OR1J2: variants seen among roughly 807,000 people sequenced by gnomAD.
The protein encoded by OR1J2 is olfactory receptor family 1 subfamily J member 2, also known as olfactory receptor 1J2.
For synonymous variants in OR1J2, 142 were observed against 99.7 expected (o/e 1.42, Z -2.52); for missense variants, 304 against 246.1 (o/e 1.24, Z -1.57).
At chr9:122,534,774 C>T in the OR1J2 span, among the ~76,000 whole-genome samples, 14 of 151,940 alleles carry the variant, frequency 9.2e-5, no homozygotes, top group African/African-American at 2.9e-4. Context: ...AGATTTCGGA[C>T]GATTTGCATT....
Position 122,510,888 on chromosome 9 carries a change from C to T in OR1J2, c.87C>T (p.Thr29=), listed in dbSNP as rs1187803390. The T allele has an allele frequency of 9.9e-6, 16 of 1,611,536 alleles. No homozygotes were observed. The highest frequency in any genetic ancestry group is 1.4e-5 in the Non-Finnish European group (16 of 1,177,758). ...IRPEQQAVFF[T]LFLGMYLTTV... ...CAGAGCAGCAGGCTGTGTTCTTCAC[C>T]CTGTTCCTGGGCATGTACCTGACCA... is the stretch of plus-strand genomic sequence containing the variant. Residue 29 remains threonine, a synonymous_variant, in exon 1 of 1, where the codon ACC becomes ACT. Transcript: ENST00000335302.
chr9:122,448,903 A>T, the OR1J2 span: 5 of 142,526 alleles, frequency 3.5e-5, no homozygotes, highest in African/African-American at 1.3e-4. Context: ...TAACAGTCTG[A>T]CCTCTCTTTC....
At chr9:122,470,039 C>T in the OR1J2 span, among the ~76,000 whole-genome samples, 1 of 152,170 alleles carries the variant, frequency 6.6e-6, no homozygotes, top group Admixed American at 6.5e-5. Context: ...GATAGAAAAT[C>T]TTATTTTCTG....
the OR1J2 span, among the ~76,000 whole-genome samples, chr9:122,493,663 T>C: frequency 6.6e-6 from 1 of 152,044 alleles, no homozygotes; most frequent in Non-Finnish European, 1.5e-5. Flanking sequence ...CATTTTGTTT[T>C]ATCTTTTGTA....
chr9:122,460,532 A>G, the OR1J2 span, among the ~76,000 whole-genome samples: 2 of 152,152 alleles, frequency 1.3e-5, no homozygotes, highest in Non-Finnish European at 2.9e-5. Context: ...TATAGTTTGA[A>G]GTCAGGTAAT....
At chr9:122,536,700 T>C in the OR1J2 span, among the ~76,000 whole-genome samples, 1 of 152,220 alleles carries the variant, frequency 6.6e-6, no homozygotes, top group Non-Finnish European at 1.5e-5. Flanking sequence ...GGAATGTCTT[T>C]CTCAAGGACC....
the OR1J2 span, among the ~76,000 whole-genome samples, chr9:122,453,616 G>C: frequency 6.6e-6 from 1 of 152,174 alleles, no homozygotes; most frequent in African/African-American, 2.4e-5. Flanking sequence ...TATCCCAAAG[G>C]CTTCCCATAA....
At chr9:122,483,973 A>G in the OR1J2 span, among the ~76,000 whole-genome samples, 2 of 152,148 alleles carry the variant, frequency 1.3e-5, no homozygotes, top group African/African-American at 2.4e-5. Context: ...ATTTATAATA[A>G]GAGTTATTAG....
At chr9:122,502,018 C>T in the OR1J2 span, among the ~76,000 whole-genome samples, 3 of 152,168 alleles carry the variant, frequency 2.0e-5, no homozygotes, top group Non-Finnish European at 2.9e-5. Context: ...CTGTTTGTAA[C>T]CGAGGACTGA....
chr9:122,526,461 A>G, the OR1J2 span: 11 of 1,554,840 alleles, frequency 7.1e-6, no homozygotes, highest in Non-Finnish European at 6.1e-6. Context: ...GGGAGTCACT[A>G]TGGTGTACAT....
the OR1J2 span, among the ~76,000 whole-genome samples, chr9:122,500,749 T>C: frequency 6.6e-6 from 1 of 152,174 alleles, no homozygotes; most frequent in South Asian, 2.1e-4. Flanking sequence ...GGTGCCACCA[T>C]CTGTAACAAA....
chr9:122,572,304 C>T, the OR1J2 span, among the ~76,000 whole-genome samples: 5 of 152,180 alleles, frequency 3.3e-5, no homozygotes, highest in Admixed American at 2.0e-4. Context: ...GATACCATGT[C>T]TGAAAAGCAG....
At chr9:122,513,138 G>A (rs1828660132), downstream of OR1J2, among the ~76,000 whole-genome samples, 1 of 152,108 alleles carries the variant, frequency 6.6e-6, no homozygotes, top group South Asian at 2.1e-4. Context: ...TAGCATTTTT[G>A]TGGATCCAAT....
At chr9:122,547,908 A>G in the OR1J2 span, among the ~76,000 whole-genome samples, 1 of 152,120 alleles carries the variant, frequency 6.6e-6, no homozygotes, top group South Asian at 2.1e-4. Context: ...ATTCCTACCA[A>G]CATTGCGTTA....
At chr9:122,460,196 C>T in the OR1J2 span, among the ~76,000 whole-genome samples, 126,501 of 149,678 alleles carry the variant, frequency 0.85, 53,346 homozygotes, top group African/African-American at 0.86. Flanking sequence ...TATATATACA[C>T]ACACACACAC....
chr9:122,473,385 C>G, the OR1J2 span, among the ~76,000 whole-genome samples: 1 of 152,158 alleles, frequency 6.6e-6, no homozygotes, highest in Admixed American at 6.5e-5. Context: ...TGGATCATCT[C>G]TCTAAAAGTA....
At chr9:122,473,104 A>G in the OR1J2 span, among the ~76,000 whole-genome samples, 25 of 152,206 alleles carry the variant, frequency 1.6e-4, no homozygotes, top group Admixed American at 9.2e-4. Flanking sequence ...TCCTGTCCAC[A>G]TTTCCCAGTC....
At chr9:122,577,526 A>G in the OR1J2 span, among the ~76,000 whole-genome samples, 5 of 152,356 alleles carry the variant, frequency 3.3e-5, no homozygotes, top group African/African-American at 1.2e-4. Context: ...TACAAGGTTC[A>G]GTAAGCATGT....
At chr9:122,488,430 C>T in the OR1J2 span, among the ~76,000 whole-genome samples, 2 of 152,220 alleles carry the variant, frequency 1.3e-5, no homozygotes, top group Non-Finnish European at 2.9e-5. Context: ...TGAGCCACCG[C>T]TCCTGGCCTA....
Sources: allele counts gnomAD v4.1 joint callset (sites outside exome capture counted in the v4.1 genomes callset), GRCh38; gene constraint gnomAD v4.1.1; transcripts MANE v1.5; gene names NCBI Gene and HGNC (gene_info 2026-07-23, HGNC 2026-07-21).